TEX11: variants seen among roughly 807,000 people sequenced by gnomAD.
TEX11 encodes the protein testis expressed 11, also known as testis-expressed protein 11.
In TEX11, 7 loss-of-function variants were observed where a neutral mutation model predicts 84.4. The observed-to-expected ratio is 0.08, with a 90% CI of 0.05 to 0.16. The LOEUF is 0.16. TEX11 is among the 10% of genes least tolerant of loss of function. The pLI is 1.00. For missense variants in TEX11, 551 were observed against 660.5 expected, an observed-to-expected ratio of 0.83 and a Z score of 1.82; for synonymous variants, 264 against 222.8, an observed-to-expected ratio of 1.18 and a Z score of -1.64.
At chrX:70,652,247 G>T (rs2089819231) in intron 16 of TEX11, among the ~76,000 whole-genome samples, 1 of 111,579 alleles carries the variant, frequency 9.0e-6, no homozygotes, top group East Asian at 2.8e-4. Context: ...TAGCTCCCAA[G>T]CATCTACAGA....
At position 70,727,018 on chromosome X, in the gene TEX11, T is replaced by C. The variant is rs1000661267; in HGVS notation, c.844-1675A>G. ...CTGGCTCCCTTCCTTAGATTTTTGT[T>C]TGCTGATTTTTTTCTTTTCACCAGT... is the stretch of plus-strand genomic sequence containing the variant. On this transcript the variant is annotated intron_variant, in intron 11 of 29. Transcript: ENST00000374333. 2.7e-5 allele frequency among the ~76,000 whole-genome samples: 3 copies of C among 110,987 alleles called. No homozygotes were observed. The East Asian group carries it at 8.5e-4, about 31-fold the overall frequency.
At chrX:70,765,107 C>T (rs995165327) in intron 9 of TEX11, among the ~76,000 whole-genome samples, 12 of 111,370 alleles carry the variant, frequency 1.1e-4, no homozygotes, top group South Asian at 3.8e-4. Context: ...AATATATGGC[C>T]GAGTGCGGTG....
chrX:70,531,074 G>A (rs1321825617), intron 28 of TEX11, among the ~76,000 whole-genome samples: 2 of 110,979 alleles, frequency 1.8e-5, no homozygotes, highest in East Asian at 2.8e-4. Flanking sequence ...TTCCCACAGT[G>A]AGCTTTCCAT....
intron 13 of TEX11, among the ~76,000 whole-genome samples, chrX:70,699,190 A>T (rs2090305724): frequency 9.0e-6 from 1 of 111,439 alleles, no homozygotes; most frequent in East Asian, 2.8e-4. Context: ...CAGCCTAGAC[A>T]ACAGACACAT....
intron 25 of TEX11, among the ~76,000 whole-genome samples, chrX:70,582,572 A>G (rs2088790706): frequency 9.0e-6 from 1 of 111,092 alleles, no homozygotes; most frequent in African/African-American, 3.3e-5. Context: ...TTACAAGAAT[A>G]ATTCTCTGAG....
chrX:70,886,862 G>C (rs966739470), intron 2 of TEX11, among the ~76,000 whole-genome samples: 3 of 111,987 alleles, frequency 2.7e-5, no homozygotes, highest in African/African-American at 9.7e-5. Flanking sequence ...GGCAAGAGCT[G>C]ACAATATCAT....
At chrX:70,895,570 C>T in intron 2 of TEX11, among the ~76,000 whole-genome samples, 1 of 111,989 alleles carries the variant, frequency 8.9e-6, no homozygotes. Context: ...CCAAGACAAT[C>T]CTAAGCAAAA....
the TEX11 span, among the ~76,000 whole-genome samples, chrX:70,513,334 CA>C: frequency 1.1e-5 from 1 of 95,079 alleles, no homozygotes; most frequent in South Asian, 5.0e-4. Flanking sequence ...GCCTGGGCAA[CA>C]AGAGTGAAAC....
At chrX:70,705,423 C>A (rs747001752) in intron 13 of TEX11, among the ~76,000 whole-genome samples, 1 of 111,442 alleles carries the variant, frequency 9.0e-6, no homozygotes, top group Non-Finnish European at 1.9e-5. Flanking sequence ...TCTTCCTATG[C>A]AAAAGCAATG....
chrX:70,799,618 C>T (rs2091175463), intron 9 of TEX11, among the ~76,000 whole-genome samples: 1 of 112,204 alleles, frequency 8.9e-6, no homozygotes, highest in African/African-American at 3.2e-5. Flanking sequence ...AGACCACTTC[C>T]ACTTCTTGGT....
At chrX:70,779,599 T>C (rs892792627) in intron 9 of TEX11, among the ~76,000 whole-genome samples, 18 of 108,915 alleles carry the variant, frequency 1.7e-4, no homozygotes, top group Middle Eastern at 4.7e-3. Flanking sequence ...ATACAATAGA[T>C]CAACGAAACT....
intron 25 of TEX11, among the ~76,000 whole-genome samples, chrX:70,581,393 G>A (rs1399489358): frequency 1.9e-5 from 2 of 105,864 alleles, no homozygotes; most frequent in African/African-American, 7.0e-5. Context: ...CCGCCTGCTG[G>A]GTTCAAGTAA....
chrX:70,529,272 G>A, intron 29 of TEX11, 85 bp from the exon 30 acceptor site: 1 of 677,285 alleles, frequency 1.5e-6, no homozygotes, highest in South Asian at 2.7e-5. Context: ...TGGCATGAAA[G>A]TCTAACCGTT....
intron 25 of TEX11, among the ~76,000 whole-genome samples, chrX:70,582,447 C>T: frequency 9.0e-6 from 1 of 111,563 alleles, no homozygotes; most frequent in Admixed American, 9.5e-5. Flanking sequence ...TTGTAGCAAC[C>T]TTATCTAAAT....
chrX:70,631,719 G>T (rs1010406445), intron 17 of TEX11, among the ~76,000 whole-genome samples: 3 of 75,638 alleles, frequency 4.0e-5, no homozygotes, highest in African/African-American at 1.5e-4. Context: ...AAAGCCTAAC[G>T]TCATGGTGTC....
chrX:70,713,271 A>G (rs2090458359), intron 13 of TEX11, among the ~76,000 whole-genome samples: 1 of 111,553 alleles, frequency 9.0e-6, no homozygotes, highest in Non-Finnish European at 1.9e-5. Flanking sequence ...TTGTGCCTCT[A>G]CCAGGCTTTG....
intron 28 of TEX11, among the ~76,000 whole-genome samples, chrX:70,550,595 T>C (rs1205886650): frequency 9.0e-6 from 1 of 111,660 alleles, no homozygotes; most frequent in Non-Finnish European, 1.9e-5. Flanking sequence ...AATATCTGAA[T>C]AGACATTTCT....
At chrX:70,713,011 A>C (rs1271997268) in intron 13 of TEX11, among the ~76,000 whole-genome samples, 3 of 111,678 alleles carry the variant, frequency 2.7e-5, no homozygotes, top group Non-Finnish European at 5.6e-5. Flanking sequence ...GAGTTGTTGA[A>C]TTTTGTCAAA....
chrX:70,572,056 A>C (rs776456423), intron 25 of TEX11, among the ~76,000 whole-genome samples: 1 of 111,264 alleles, frequency 9.0e-6, no homozygotes, highest in South Asian at 3.8e-4. Flanking sequence ...ACTACCATCT[A>C]ACAGGCAACC....
Sources: gnomAD v4.1 joint callset for allele counts (sites outside exome capture counted in the v4.1 genomes callset) on GRCh38, gnomAD v4.1.1 for gene constraint, MANE v1.5 for transcripts, NCBI Gene and HGNC (gene_info 2026-07-23, HGNC 2026-07-21) for gene names.